The following DIP2A variants were observed in gnomAD, a reference collection of about 807,000 sequenced individuals.
DIP2A encodes the protein DIP2 acetate--CoA ligase A.
A neutral mutation model predicts 177.4 loss-of-function variants in DIP2A; 85 were observed. The observed-to-expected ratio is 0.48, with a 90% CI of 0.40 to 0.57. The LOEUF (loss-of-function observed/expected upper bound fraction) is 0.57. Among genes scored for constraint, DIP2A ranks in the 20% least tolerant of loss-of-function variants. The pLI is 0.00. For synonymous variants in DIP2A, 886 were observed against 881.8 expected (o/e 1.00, Z -0.08); for missense variants, 1,791 against 2,100.2 (o/e 0.85, Z 2.88).
At chr21:46,513,765 C>T (rs1317115900) in intron 8 of DIP2A, among the ~76,000 whole-genome samples, 1 of 152,032 alleles carries the variant, frequency 6.6e-6, no homozygotes, top group Non-Finnish European at 1.5e-5. Flanking sequence ...AAAGAAAATG[C>T]TCATTGGAGC....
In DIP2A at chr21:46,497,096, A is replaced by G. The variant is rs750975896; in HGVS notation, c.392A>G (p.Tyr131Cys). The G allele has an allele frequency of 9.3e-6, 15 of 1,612,058 alleles. No homozygotes were observed. The highest frequency in any genetic ancestry group is 3.3e-4 in the Middle Eastern group (2 of 6,062). Reference protein sequence around the residue: ...SVLVHSSVETYTPPDTSSASE... With the variant: ...SVLVHSSVETCTPPDTSSASE... Reference sequence around the variant, plus strand: ...CTTGTGCATTCGTCTGTGGAAACCTACACCCCTCCAGGTATTGATAAACAA... The same window carrying G: ...CTTGTGCATTCGTCTGTGGAAACCTGCACCCCTCCAGGTATTGATAAACAA... The change falls in exon 4 of 38, where the codon TAC (tyrosine) becomes TGC (cysteine). Residue 131 changes from tyrosine to cysteine, a missense_variant. Coordinates refer to ENST00000417564, the MANE Select transcript of DIP2A (RefSeq NM_015151.4).
the DIP2A span, among the ~76,000 whole-genome samples, chr21:46,575,778 T>C: frequency 2.0e-5 from 3 of 152,228 alleles, no homozygotes; most frequent in Non-Finnish European, 4.4e-5. Flanking sequence ...AGACATCTTA[T>C]GTTCATGGAT....
rs748856181 is a variant in DIP2A at position 46,546,995 on chromosome 21, G to A, written c.2475G>A (p.Val825=). Residue 825 remains valine (V), a synonymous_variant, in exon 21 of 38, where the codon GTG becomes GTA. Coordinates refer to ENST00000417564, the MANE Select transcript of DIP2A (RefSeq NM_015151.4). The part of the protein sequence containing the change: ...GVRRHNADDV[V]ATALAVEPMK... ...GCAGACACAATGCAGATGACGTTGT[G>A]GCCACCGCACTGGCCGTGGAGCCCA... 2.2e-5 allele frequency: 35 copies of A among 1,613,856 alleles called. No homozygotes were observed. Among genetic ancestry groups the A allele is most frequent in the Non-Finnish European group, 3.0e-5 (35 of 1,179,900 alleles).
In DIP2A at chr21:46,459,152, G is replaced by T; in HGVS notation, c.21G>T (p.Pro7=). The change falls in exon 1 of 38, where the codon CCG becomes CCT. Residue 7 remains proline (P), a synonymous_variant. Transcript: ENST00000417564. ...TGGCCATGGCTGACCGCGGGTGCCC[G>T]CTGGAGGCGGCGCCGCTGCCTGCCG... MADRGC[P]LEAAPLPAEV... is the part of the protein sequence containing the mutation. 6.6e-7 allele frequency: 1 copy of T among 1,517,136 alleles called. No individual in the cohort carries two copies. Among genetic ancestry groups the T allele is most frequent in the Non-Finnish European group, 8.8e-7 (1 of 1,133,524 alleles). The allele number at this position is 1,517,136 out of a possible 1,614,324, so 94.0% of individuals were successfully genotyped here.
intron 36 of DIP2A, 31 bp from the exon 37 acceptor site, chr21:46,566,528 TC>T: frequency 6.2e-7 from 1 of 1,613,746 alleles, no homozygotes; most frequent in South Asian, 1.1e-5. Flanking sequence ...GCCTTGGCTT[TC>T]TGGGCACGTG....
chr21:46,527,723 G>A (rs888185806), intron 8 of DIP2A, among the ~76,000 whole-genome samples: 6 of 151,948 alleles, frequency 3.9e-5, no homozygotes, highest in Admixed American at 2.6e-4. Context: ...GAAATTGAGC[G>A]CTCATTTGCA....
Position 46,545,795 on chromosome 21 carries a change from G to A in DIP2A, c.2314-86G>A. 18 of 1,500,412 alleles carry A rather than the reference G, an allele frequency of 1.2e-5. No individual in the cohort carries two copies. In the South Asian group the frequency reaches 1.9e-4, roughly 16 times the overall value. The allele number at this position is 1,500,412 out of a possible 1,614,324, so 92.9% of individuals were successfully genotyped here. A position where few individuals can be genotyped will look rare whatever the true frequency, so the allele number is the denominator to read the frequency against. On this transcript the variant is annotated intron_variant, in intron 19 of 37. Coordinates refer to ENST00000417564, the MANE Select transcript of DIP2A (RefSeq NM_015151.4). ...CCTGGCCAGCAGGCGCACACGTGGT[G>A]CTGAGCCTCCTGCCGCCTGCTGGGT...
intron 35 of DIP2A, among the ~76,000 whole-genome samples, chr21:46,564,557 C>G (rs2839328): frequency 0.13 from 19,862 of 152,230 alleles, 1,827 homozygotes; most frequent in African/African-American, 0.26. Flanking sequence ...CCCGAATGTG[C>G]AGATTGATCT....
chr21:46,492,352 G>A lies in DIP2A; in HGVS notation c.283+1633G>A, dbSNP rs375886161. Among the ~76,000 whole-genome samples, 7 of 152,020 alleles carry A rather than the reference G, an allele frequency of 4.6e-5. No homozygotes were observed. The East Asian group carries it at 7.7e-4, about 17-fold the overall frequency. ...TCTGTTCTGTTCTATTGATCTATTC[G>A]TCTGTCTTTATGGCAAAACAGTGTT... On this transcript the variant is annotated intron_variant, in intron 3 of 37. Transcript: ENST00000417564.
At chr21:46,504,129 C>G (rs1199920891) in intron 5 of DIP2A, among the ~76,000 whole-genome samples, 1 of 152,200 alleles carries the variant, frequency 6.6e-6, no homozygotes, top group Non-Finnish European at 1.5e-5. Context: ...GTCTGGATCC[C>G]TTTGAGAATT....
chr21:46,510,440 A>G (rs144830392), intron 7 of DIP2A, among the ~76,000 whole-genome samples: 70 of 152,274 alleles, frequency 4.6e-4, no homozygotes, highest in Non-Finnish European at 7.6e-4. Context: ...TCAAGTTGAC[A>G]TCAATATTAG....
intron 2 of DIP2A, among the ~76,000 whole-genome samples, chr21:46,489,594 T>C (rs1218532467): frequency 6.6e-6 from 1 of 152,198 alleles, no homozygotes; most frequent in East Asian, 1.9e-4. Flanking sequence ...TCTGCCACAC[T>C]GCGCTTGTTG....
chr21:46,481,021 T>C (rs896179652), intron 1 of DIP2A, among the ~76,000 whole-genome samples: 12 of 152,294 alleles, frequency 7.9e-5, no homozygotes, highest in African/African-American at 2.4e-4. Flanking sequence ...GCTATGCCAC[T>C]GCACTCCAGC....
chr21:46,538,389 C>T lies in DIP2A; in HGVS notation c.1802-94C>T, dbSNP rs549895873. 1.3e-5 allele frequency: 19 copies of T among 1,467,610 alleles called. No homozygotes were observed. In the Admixed American group the frequency reaches 1.7e-4, roughly 13 times the overall value. The allele number at this position is 1,467,610 out of a possible 1,614,324, so 90.9% of individuals were successfully genotyped here. ...AGTGTTGTGTCTGTCTGTGCATGTA[C>T]ACCTCTCTGTGGGATGAGGTACACG... On this transcript the variant is annotated intron_variant, in intron 15 of 37. Coordinates refer to ENST00000417564, the MANE Select transcript of DIP2A (RefSeq NM_015151.4).
intron 1 of DIP2A, among the ~76,000 whole-genome samples, chr21:46,476,558 G>A (rs2055863897): frequency 6.6e-6 from 1 of 152,094 alleles, no homozygotes; most frequent in Non-Finnish European, 1.5e-5. Flanking sequence ...GTAAGTGTAG[G>A]AGTCAATGTG....
chr21:46,550,482 A>G, intron 22 of DIP2A, 61 bp from the exon 23 acceptor site: 2 of 1,526,586 alleles, frequency 1.3e-6, no homozygotes, highest in Non-Finnish European at 1.8e-6. Context: ...CCTGTCCCCC[A>G]CCCAGCATCT....
intron 13 of DIP2A, 118 bp downstream of exon 13, chr21:46,534,805 C>T: frequency 2.4e-6 from 2 of 833,776 alleles, no homozygotes; most frequent in Non-Finnish European, 3.8e-6. Context: ...TGCCTTTGCC[C>T]ATTAATCCGG....
In DIP2A at chr21:46,488,984, C is replaced by T. The variant is rs567856429; in HGVS notation, c.164-1616C>T. 3.3e-5 allele frequency among the ~76,000 whole-genome samples: 5 copies of T among 152,280 alleles called. No homozygotes were observed. The East Asian group carries it at 7.7e-4, about 24-fold the overall frequency. On this transcript the variant is annotated intron_variant, in intron 2 of 37. Coordinates refer to ENST00000417564, the MANE Select transcript of DIP2A (RefSeq NM_015151.4). ...ATAAGGTGTAAGACTCTGTATTGTC[C>T]GTTGTGAACTTTAAAGTTGTTTTAT...
At chr21:46,561,592 C>A (rs1481078676) in intron 33 of DIP2A, 156 bp from the exon 34 acceptor site, 3 of 1,005,380 alleles carry the variant, frequency 3.0e-6, no homozygotes, top group Non-Finnish European at 3.1e-6. Flanking sequence ...TTGGGGTGTC[C>A]CTGCCATTCA....
Sources: gnomAD v4.1 joint callset for allele counts (sites outside exome capture counted in the v4.1 genomes callset) on GRCh38, gnomAD v4.1.1 for gene constraint, MANE v1.5 for transcripts, NCBI Gene and HGNC (gene_info 2026-07-23, HGNC 2026-07-21) for gene names.